SYT1: variants seen among roughly 807,000 people sequenced by gnomAD.
SYT1 encodes the protein synaptotagmin-1.
A neutral mutation model predicts 44.8 loss-of-function variants in SYT1; 8 were observed. The ratio of observed to expected loss-of-function variants is 0.18; its 90% CI spans 0.10 to 0.32. SYT1 has a LOEUF of 0.32. SYT1 is among the 10% of genes least tolerant of loss of function. SYT1 has a pLI of 1.00. For missense variants in SYT1, 286 were observed against 509.3 expected (o/e 0.56, Z 4.22); for synonymous variants, 154 against 188.8 (o/e 0.82, Z 1.51).
intron 1 of SYT1, among the ~76,000 whole-genome samples, chr12:78,929,577 AAGATAG>A (rs1877519121): frequency 6.6e-6 from 1 of 151,890 alleles, no homozygotes; most frequent in African/African-American, 2.4e-5. Flanking sequence ...TGAGTAGGAA[AAGATAG>A]AGATTTTCAA....
At chr12:79,142,929 A>G (rs1869650302) in intron 3 of SYT1, among the ~76,000 whole-genome samples, 1 of 152,320 alleles carries the variant, frequency 6.6e-6, no homozygotes, top group South Asian at 2.1e-4. Flanking sequence ...GGCATGGTCT[A>G]TGTCTCAAGT....
intron 2 of SYT1, among the ~76,000 whole-genome samples, chr12:79,008,032 T>G (rs1323965053): frequency 6.6e-6 from 1 of 151,658 alleles, no homozygotes; most frequent in South Asian, 2.1e-4. Context: ...AAAAAGAAAA[T>G]AACCAATATG....
At chr12:79,400,923 A>G (rs1349406562) in intron 9 of SYT1, among the ~76,000 whole-genome samples, 1 of 152,186 alleles carries the variant, frequency 6.6e-6, no homozygotes, top group Non-Finnish European at 1.5e-5. Flanking sequence ...ATATCACAGT[A>G]ATTTTTAGAT....
At chr12:79,063,725 A>C (rs1875554277) in intron 3 of SYT1, among the ~76,000 whole-genome samples, 1 of 152,198 alleles carries the variant, frequency 6.6e-6, no homozygotes, top group African/African-American at 2.4e-5. Flanking sequence ...GGTAAAGAAA[A>C]TAAGTAAAAA....
chr12:78,986,716 G>A (rs1369813173), intron 2 of SYT1, among the ~76,000 whole-genome samples: 1 of 151,816 alleles, frequency 6.6e-6, no homozygotes, highest in Non-Finnish European at 1.5e-5. Context: ...CTATTTATTT[G>A]ATATGTATGT....
At chr12:79,381,655 T>C (rs1390022481) in intron 9 of SYT1, among the ~76,000 whole-genome samples, 1 of 152,236 alleles carries the variant, frequency 6.6e-6, no homozygotes, top group African/African-American at 2.4e-5. Flanking sequence ...GCTAAAGATT[T>C]AGATAGTCCT....
At chr12:78,904,184 G>A (rs78088455) in intron 1 of SYT1, among the ~76,000 whole-genome samples, 12,605 of 152,060 alleles carry the variant, frequency 0.083, 616 homozygotes, top group African/African-American at 0.14. Context: ...AGTGTGTATT[G>A]AATTTGAATT....
chr12:79,002,000 T>G (rs1451658634), intron 2 of SYT1, among the ~76,000 whole-genome samples: 1 of 152,140 alleles, frequency 6.6e-6, no homozygotes, highest in Non-Finnish European at 1.5e-5. Context: ...TATAATCCTA[T>G]TTTAAGAGCA....
At chr12:78,946,995 C>T (rs760500623) in intron 1 of SYT1, among the ~76,000 whole-genome samples, 1 of 152,108 alleles carries the variant, frequency 6.6e-6, no homozygotes, top group Non-Finnish European at 1.5e-5. Context: ...TTTTATACCT[C>T]TCTGTTTTCA....
rs569916543 is a variant in SYT1, at chr12:78,987,417, T to G, written c.-84+9486T>G. Among the ~76,000 whole-genome samples, 3 of 152,088 alleles carry G rather than the reference T, an allele frequency of 2.0e-5. No homozygotes were observed. The South Asian group carries it at 6.2e-4, about 32-fold the overall frequency. ...GACCTCGCAGGCTATGCCCAGAACA[T>G]TAGTTAGACCTTTTCAAGATGTGGG... is the stretch of plus-strand genomic sequence containing the variant. On this transcript the variant is annotated intron_variant, in intron 2 of 10. Transcript: ENST00000261205.
chr12:79,199,539 C>G (rs1873658958), intron 3 of SYT1, among the ~76,000 whole-genome samples: 1 of 152,086 alleles, frequency 6.6e-6, no homozygotes, highest in Non-Finnish European at 1.5e-5. Context: ...GCCCTATCAC[C>G]TCTCCAAACA....
rs541406096 is a variant in SYT1 at position 78,910,059 on chromosome 12, G to A, written c.-217+44950G>A. 4.6e-5 allele frequency among the ~76,000 whole-genome samples: 7 copies of A among 151,898 alleles called. No homozygotes were observed. The East Asian group carries it at 1.4e-3, about 29-fold the overall frequency. On this transcript the variant is annotated intron_variant, in intron 1 of 10. Coordinates refer to ENST00000261205, the MANE Select transcript of SYT1 (RefSeq NM_005639.3). ...CCCTGTTGTTTCCTGCTTTATTCAT[G>A]TACATCCAAGAATCACTACATTTCA...
At chr12:79,020,329 C>T (rs1227893151) in intron 2 of SYT1, among the ~76,000 whole-genome samples, 2 of 152,006 alleles carry the variant, frequency 1.3e-5, no homozygotes, top group Non-Finnish European at 2.9e-5. Flanking sequence ...AACAAGTCCA[C>T]CTGACAGATT....
At chr12:78,985,146 T>C (rs1869550270) in intron 2 of SYT1, among the ~76,000 whole-genome samples, 1 of 151,968 alleles carries the variant, frequency 6.6e-6, no homozygotes, top group South Asian at 2.1e-4. Context: ...TCTTGATTTT[T>C]TTTAAAAGAC....
At chr12:78,976,248 A>T (rs1868823291) in intron 1 of SYT1, among the ~76,000 whole-genome samples, 1 of 152,144 alleles carries the variant, frequency 6.6e-6, no homozygotes, top group African/African-American at 2.4e-5. Flanking sequence ...AAGAAAAAAA[A>T]GTTTAAAATA....
intron 1 of SYT1, among the ~76,000 whole-genome samples, chr12:78,887,078 T>C (rs1189393302): frequency 6.6e-6 from 1 of 152,060 alleles, no homozygotes; most frequent in Non-Finnish European, 1.5e-5. Flanking sequence ...TGGTTTCAGT[T>C]ACCCATGGCC....
chr12:78,966,695 G>A (rs537411527), intron 1 of SYT1, among the ~76,000 whole-genome samples: 1 of 152,236 alleles, frequency 6.6e-6, no homozygotes, highest in South Asian at 2.1e-4. Context: ...CAAAAATTCA[G>A]GCATGTGTGT....
chr12:79,389,923 A>G (rs1347509917), intron 9 of SYT1, among the ~76,000 whole-genome samples: 2 of 151,898 alleles, frequency 1.3e-5, no homozygotes, highest in African/African-American at 4.8e-5. Flanking sequence ...TTTGTTTCCA[A>G]TAATTCTTTT....
chr12:79,028,282 GT>G (rs1872646594), intron 2 of SYT1, among the ~76,000 whole-genome samples: 2 of 151,380 alleles, frequency 1.3e-5, no homozygotes, highest in African/African-American at 4.8e-5. Flanking sequence ...ATACAAATCT[GT>G]TTTTAAGCAT....
Sources: allele counts gnomAD v4.1 joint callset (sites outside exome capture counted in the v4.1 genomes callset), GRCh38; gene constraint gnomAD v4.1.1; transcripts MANE v1.5; gene names NCBI Gene and HGNC (gene_info 2026-07-23, HGNC 2026-07-21).